Variants in CRYBG1 observed in about 807,000 individuals in gnomAD.
CRYBG1 encodes crystallin beta-gamma domain containing 1, also known as beta/gamma crystallin domain-containing protein 1.
A neutral mutation model predicts 189.2 loss-of-function variants in CRYBG1; 139 were observed. That is an observed-to-expected ratio of 0.73 (90% CI 0.64 to 0.85). CRYBG1 has a LOEUF of 0.85. Ranked by LOEUF, CRYBG1 falls within the 40% of genes least tolerant of loss-of-function variation. The pLI is 0.00. For synonymous variants in CRYBG1, 1,023 were observed against 1,017.1 expected, an observed-to-expected ratio of 1.01 and a Z score of -0.11; for missense variants, 2,611 against 2,675.8, an observed-to-expected ratio of 0.98 and a Z score of 0.53.
chr6:106,413,677 C>CA (rs557608428), intron 1 of CRYBG1, among the ~76,000 whole-genome samples: 15,971 of 140,748 alleles, frequency 0.11, 854 homozygotes, highest in East Asian at 0.15. Flanking sequence ...GATTTTGTCT[C>CA]AAAAAAAAAA....
intron 2 of CRYBG1, among the ~76,000 whole-genome samples, chr6:106,475,639 T>C (rs1467902491): frequency 6.6e-6 from 1 of 152,196 alleles, no homozygotes; most frequent in African/African-American, 2.4e-5. Context: ...TTGAAAGATA[T>C]ATAGTGCTGT....
intron 7 of CRYBG1, among the ~76,000 whole-genome samples, chr6:106,529,793 A>G (rs1773836699): frequency 6.6e-6 from 1 of 152,256 alleles, no homozygotes. Context: ...GAAGACTCCA[A>G]GAGCAGCCAT....
chr6:106,368,787 A>G (rs1363362597), intron 1 of CRYBG1, among the ~76,000 whole-genome samples: 2 of 152,176 alleles, frequency 1.3e-5, no homozygotes, highest in East Asian at 3.9e-4. Context: ...GCCAGTATAC[A>G]GTATATACTA....
chr6:106,458,875 A>C (rs558788707), intron 2 of CRYBG1, among the ~76,000 whole-genome samples: 2 of 152,306 alleles, frequency 1.3e-5, no homozygotes, highest in South Asian at 4.1e-4. Flanking sequence ...GAAAAACCTG[A>C]TATTACTGAG....
chr6:106,436,107 C>A (rs939391241), intron 1 of CRYBG1, among the ~76,000 whole-genome samples: 3 of 152,164 alleles, frequency 2.0e-5, no homozygotes, highest in Admixed American at 6.5e-5. Flanking sequence ...CCTGAGGAAC[C>A]TATTAGGAGT....
intron 1 of CRYBG1, among the ~76,000 whole-genome samples, chr6:106,422,472 C>T (rs748351): frequency 0.11 from 17,229 of 151,940 alleles, 1,031 homozygotes; most frequent in East Asian, 0.15. Flanking sequence ...GCTGGGACCA[C>T]AGGCCTGAGC....
chr6:106,379,737 T>C lies in CRYBG1; in HGVS notation c.173+18656T>C, dbSNP rs115133171. ...CCATGCCTGGCTACTTTTAAAACAATTTTTGTAAAGATGGGGGTCTCACTG... is the reference window on the plus strand; with the variant it reads ...CCATGCCTGGCTACTTTTAAAACAACTTTTGTAAAGATGGGGGTCTCACTG... On this transcript the variant is annotated intron_variant, in intron 1 of 21. Transcript: ENST00000633556. Among the ~76,000 whole-genome samples, 1,280 of 152,196 alleles carry C rather than the reference T, an allele frequency of 8.4e-3. 18 individuals carry two copies. The highest frequency in any genetic ancestry group is 0.029 in the African/African-American group (1,208 of 41,524).
At chr6:106,483,144 A>G (rs959722676) in intron 2 of CRYBG1, among the ~76,000 whole-genome samples, 1 of 151,892 alleles carries the variant, frequency 6.6e-6, no homozygotes, top group Admixed American at 6.6e-5. Flanking sequence ...ATTCACCTCC[A>G]ATCCTCCAAT....
chr6:106,515,888 G>A (rs1231144805), intron 3 of CRYBG1, among the ~76,000 whole-genome samples: 2 of 151,174 alleles, frequency 1.3e-5, no homozygotes, highest in Admixed American at 1.3e-4. Context: ...GACCTCCCCC[G>A]GCTCAGGTGA....
At chr6:106,526,857 CTTGAA>C (rs1325849096) in intron 6 of CRYBG1, among the ~76,000 whole-genome samples, 2 of 145,432 alleles carry the variant, frequency 1.4e-5, no homozygotes, top group Non-Finnish European at 3.0e-5. Context: ...AGGAGAATTG[CTTGAA>C]CCAGGGAGGC....
chr6:106,547,212 A>ACACACACCCC (rs1554191201), intron 13 of CRYBG1, among the ~76,000 whole-genome samples: 1 of 60,246 alleles, frequency 1.7e-5, no homozygotes, highest in African/African-American at 3.8e-5. Flanking sequence ...ACACACACAC[A>ACACACACCCC]CCACTTCCTT....
At chr6:106,380,334 A>C (rs980176148) in intron 1 of CRYBG1, among the ~76,000 whole-genome samples, 2 of 152,226 alleles carry the variant, frequency 1.3e-5, no homozygotes, top group Non-Finnish European at 2.9e-5. Context: ...TGAATTCCCA[A>C]GAGATTCTGG....
intron 2 of CRYBG1, among the ~76,000 whole-genome samples, chr6:106,467,542 C>A (rs771672871): frequency 6.6e-6 from 1 of 152,132 alleles, no homozygotes; most frequent in African/African-American, 2.4e-5. Flanking sequence ...ATAAAGGGAA[C>A]CTGCTTGCAA....
chr6:106,560,247 G>T (rs1168481528), intron 18 of CRYBG1, among the ~76,000 whole-genome samples: 1 of 152,194 alleles, frequency 6.6e-6, no homozygotes, highest in African/African-American at 2.4e-5. Flanking sequence ...ATTCTTCCCT[G>T]ATGTAATATG....
chr6:106,565,101 C>T (rs1317748693), intron 21 of CRYBG1, among the ~76,000 whole-genome samples: 1 of 152,018 alleles, frequency 6.6e-6, no homozygotes, highest in Non-Finnish European at 1.5e-5. Flanking sequence ...GGGTGGATCA[C>T]GAGGTCAGGA....
intron 2 of CRYBG1, among the ~76,000 whole-genome samples, chr6:106,500,268 T>A (rs1235488462): frequency 6.6e-6 from 1 of 152,204 alleles, no homozygotes; most frequent in African/African-American, 2.4e-5. Flanking sequence ...CTAATTTATA[T>A]TCCCACCAAC....
rs1334843948 is a variant in CRYBG1, at chr6:106,512,483, G to A, written c.1366G>A (p.Ala456Thr). The A allele has an allele frequency of 6.2e-6, 10 of 1,611,460 alleles. No homozygotes were observed. The Admixed American group carries it at 1.5e-4, about 24-fold the overall frequency. ...GTTCGACGACGAGGTGGCGCCAAAC[G>A]CGGCCAGCGATAACGCCTCGGCGGA... is the stretch of plus-strand genomic sequence containing the variant. Reference protein sequence around the residue: ...AVFDDEVAPNAASDNASAEKK... With the variant: ...AVFDDEVAPNTASDNASAEKK... The change falls in exon 3 of 22, where the codon GCG becomes ACG. Residue 456 changes from alanine to threonine, a missense_variant. Ala to Thr is a moderately conservative substitution (Grantham distance 58, BLOSUM62 0). This residue lies in a region of CRYBG1 where 985 missense variants were observed against 924.4 expected (regional missense o/e 1.07). Transcript: ENST00000633556.
chr6:106,466,971 T>C (rs1772126815), intron 2 of CRYBG1, among the ~76,000 whole-genome samples: 1 of 152,146 alleles, frequency 6.6e-6, no homozygotes, highest in South Asian at 2.1e-4. Context: ...ATAAAAAGCT[T>C]TGAAAGCAGA....
chr6:106,470,103 C>T (rs1205692203), intron 2 of CRYBG1, among the ~76,000 whole-genome samples: 2 of 152,190 alleles, frequency 1.3e-5, no homozygotes, highest in Admixed American at 6.5e-5. Flanking sequence ...TCACTCCTCT[C>T]CAGTCTGCCC....
Sources: gnomAD v4.1 joint callset for allele counts (sites outside exome capture counted in the v4.1 genomes callset) on GRCh38, gnomAD v4.1.1 for gene constraint, gnomAD v4.1.1 regional missense constraint, MANE v1.5 for transcripts, NCBI Gene and HGNC (gene_info 2026-07-23, HGNC 2026-07-21) for gene names.